Variants in CHSY3 observed in about 807,000 individuals in gnomAD.
CHSY3 encodes chondroitin sulfate synthase 3, also known as N-acetylgalactosaminyl-proteoglycan 3-beta-glucuronosyltransferase 3.
Under a neutral mutation model 67.2 loss-of-function variants are expected in CHSY3, and 35 were observed. The observed-to-expected ratio is 0.52, with a 90% CI of 0.40 to 0.69. CHSY3 has a LOEUF of 0.69. Ranked by LOEUF, CHSY3 falls within the 30% of genes least tolerant of loss-of-function variation. The pLI, the probability that CHSY3 is intolerant of heterozygous loss-of-function variation, is 0.00. For missense variants in CHSY3, 1,069 were observed against 1,138.5 expected (o/e 0.94, Z 0.88); for synonymous variants, 474 against 434.7 (o/e 1.09, Z -1.12).
At chr5:129,927,803 C>T (rs1455449893) in intron 2 of CHSY3, among the ~76,000 whole-genome samples, 3 of 151,810 alleles carry the variant, frequency 2.0e-5, no homozygotes, top group Non-Finnish European at 4.4e-5. Context: ...ATTACAGGAA[C>T]ATTTTTTTAA....
At chr5:130,141,297 T>C (rs1768858257) in intron 2 of CHSY3, 1 of 417,356 alleles carries the variant, frequency 2.4e-6, no homozygotes, top group Admixed American at 3.1e-5. Flanking sequence ...CAAGCAGACA[T>C]AGACCTCATT....
intron 2 of CHSY3, among the ~76,000 whole-genome samples, chr5:130,172,301 CTTTTTT>C (rs1341313357): frequency 1.8e-5 from 2 of 112,062 alleles, no homozygotes; most frequent in African/African-American, 6.6e-5. Context: ...TTATTTAACT[CTTTTTT>C]TTCTTTTCTT....
intron 2 of CHSY3, among the ~76,000 whole-genome samples, chr5:129,985,875 A>G (rs1763185434): frequency 6.6e-6 from 1 of 152,022 alleles, no homozygotes; most frequent in Non-Finnish European, 1.5e-5. Flanking sequence ...TTGATTTTGT[A>G]TCTTGAAACT....
chr5:129,990,535 G>A (rs1025233949), intron 2 of CHSY3, among the ~76,000 whole-genome samples: 2 of 152,114 alleles, frequency 1.3e-5, no homozygotes. Flanking sequence ...AGATGGATAA[G>A]TAATATATTA....
At chr5:130,172,188 A>T (rs1180451613) in intron 2 of CHSY3, among the ~76,000 whole-genome samples, 1 of 152,220 alleles carries the variant, frequency 6.6e-6, no homozygotes, top group East Asian at 1.9e-4. Flanking sequence ...GGAAGGAAAC[A>T]TTTATAACGA....
At chr5:130,031,039 A>G (rs1203699905) in intron 2 of CHSY3, among the ~76,000 whole-genome samples, 5 of 152,116 alleles carry the variant, frequency 3.3e-5, no homozygotes, top group African/African-American at 1.2e-4. Flanking sequence ...TATGGAGTAT[A>G]AGAAGCAGAT....
chr5:129,998,235 T>G (rs1434611451), intron 2 of CHSY3, among the ~76,000 whole-genome samples: 4 of 106,506 alleles, frequency 3.8e-5, no homozygotes, highest in Non-Finnish European at 9.0e-5. Context: ...AATTCTGTGC[T>G]CACTGTTAAT....
Position 130,184,375 on chromosome 5 carries a change from C to G in CHSY3, c.1233C>G (p.Ser411Arg). 6.2e-7 allele frequency: 1 copy of G among 1,614,076 alleles called. No individual in the cohort carries two copies. The highest frequency in any genetic ancestry group is 8.5e-7 in the Non-Finnish European group (1 of 1,179,934). The change falls in exon 3 of 3, where the codon AGC becomes AGG. Residue 411 changes from serine to arginine, a missense_variant. This residue lies in a region of CHSY3 where 401 missense variants were observed against 395.2 expected (regional missense o/e 1.01). Coordinates refer to ENST00000305031, the MANE Select transcript of CHSY3 (RefSeq NM_175856.5). Reference protein sequence around the residue: ...YQYRLHNYMLSRKISELRYRT... With the variant: ...YQYRLHNYMLRRKISELRYRT... The stretch of plus-strand genomic sequence containing the variant: ...ACAGGCTGCATAATTACATGCTCAG[C>G]CGCAAAATTTCTGAACTTCGCTACC...
At chr5:130,001,474 G>A in intron 2 of CHSY3, 1 of 941,618 alleles carries the variant, frequency 1.1e-6, no homozygotes, top group Non-Finnish European at 1.3e-6. Context: ...GCTCCTTTGT[G>A]CCTGTGGCAG....
intron 2 of CHSY3, among the ~76,000 whole-genome samples, chr5:130,048,178 CTAATCCTTATCAT>C (rs1361605729): frequency 2.0e-5 from 3 of 151,922 alleles, no homozygotes; most frequent in Non-Finnish European, 2.9e-5. Flanking sequence ...GATCTTAAGT[CTAATCCTTATCAT>C]TATCATTAGT....
chr5:130,018,621 A>G (rs750444979), intron 2 of CHSY3, among the ~76,000 whole-genome samples: 1 of 152,220 alleles, frequency 6.6e-6, no homozygotes, highest in African/African-American at 2.4e-5. Flanking sequence ...AAATGGTTTT[A>G]TATATCTTAA....
chr5:130,086,902 G>A (rs1226744767), intron 2 of CHSY3, among the ~76,000 whole-genome samples: 1 of 152,092 alleles, frequency 6.6e-6, no homozygotes, highest in African/African-American at 2.4e-5. Context: ...AAGCCTGGCA[G>A]AGACACAACA....
intron 2 of CHSY3, among the ~76,000 whole-genome samples, chr5:129,916,843 T>C (rs959842107): frequency 1.3e-5 from 2 of 152,160 alleles, no homozygotes; most frequent in Non-Finnish European, 2.9e-5. Flanking sequence ...AAATCTAATA[T>C]AGAGTTGGGT....
Position 130,118,338 on chromosome 5 carries a change from A to G in CHSY3, c.1087-65891A>G, listed in dbSNP as rs532402369. 1.5e-3 allele frequency among the ~76,000 whole-genome samples: 230 copies of G among 152,328 alleles called. 1 individual carries two copies. The highest frequency in any genetic ancestry group is 4.7e-3 in the African/African-American group (197 of 41,568). ...TGTTTTAAATGCAGATAAACTTAAC[A>G]AAACAATCAGAATTTACCCAGTTGT... On this transcript the variant is annotated intron_variant, in intron 2 of 2. Coordinates refer to ENST00000305031, the MANE Select transcript of CHSY3 (RefSeq NM_175856.5).
chr5:129,918,463 A>G (rs970683544), intron 2 of CHSY3, among the ~76,000 whole-genome samples: 6 of 152,192 alleles, frequency 3.9e-5, no homozygotes, highest in African/African-American at 1.4e-4. Flanking sequence ...TTTTGATTCT[A>G]TGCCATCACT....
rs529499537 is a variant in CHSY3 at position 129,904,783 on chromosome 5, G to C, written c.-47G>C. The C allele has an allele frequency of 3.9e-5, 51 of 1,311,776 alleles. No individual in the cohort carries two copies. The African/African-American group carries it at 7.4e-4, about 19-fold the overall frequency. 81.3% of individuals were successfully genotyped at this position (1,311,776 alleles called of 1,614,324 possible). On this transcript the variant is annotated 5_prime_UTR_variant, in exon 1 of 3. Coordinates refer to ENST00000305031, the MANE Select transcript of CHSY3 (RefSeq NM_175856.5). ...CGGGTGTGAGCCGGGGAAACCGCGT[G>C]CCGCGCCGCGACAGCCCAGCGAGCG...
Position 130,185,847 on chromosome 5 carries a change from G to A in CHSY3, c.*56G>A. 9.1e-7 allele frequency: 1 copy of A among 1,097,256 alleles called. No individual in the cohort carries two copies. The highest frequency in any genetic ancestry group is 1.3e-6 in the Non-Finnish European group (1 of 791,770). 68.0% of individuals were successfully genotyped at this position (1,097,256 alleles called of 1,614,324 possible). A position where few individuals can be genotyped will look rare whatever the true frequency, so the allele number is the denominator to read the frequency against. ...AGGGGAGTTTACCTCATTGTTGGTT[G>A]TTGTTATTTTTATTGTATTATTGTT... On this transcript the variant is annotated 3_prime_UTR_variant, in exon 3 of 3. Coordinates refer to ENST00000305031, the MANE Select transcript of CHSY3 (RefSeq NM_175856.5).
chr5:129,961,823 T>TA lies in CHSY3; in HGVS notation c.1086+53470dup, dbSNP rs1022292013. Among the ~76,000 whole-genome samples the TA allele has an allele frequency of 7.2e-5, 11 of 152,106 alleles. No homozygotes were observed. The South Asian group carries it at 8.3e-4, about 11-fold the overall frequency. Reference sequence around the variant, plus strand: ...TTTCCCTCTAGTCAATAAACTTTTTTAAAAAAACTTTCAATAACTATTTCA... The same window carrying TA: ...TTTCCCTCTAGTCAATAAACTTTTTTAAAAAAAACTTTCAATAACTATTTCA... On this transcript the variant is annotated intron_variant, in intron 2 of 2. Coordinates refer to ENST00000305031, the MANE Select transcript of CHSY3 (RefSeq NM_175856.5).
In CHSY3 at chr5:130,184,452, C is replaced by T. The variant is rs1770347414; in HGVS notation, c.1310C>T (p.Thr437Ile). 5 of 1,613,174 alleles carry T rather than the reference C, an allele frequency of 3.1e-6. No homozygotes were observed. The highest frequency in any genetic ancestry group is 4.2e-6 in the Non-Finnish European group (5 of 1,179,160). ...ESALMSKLSN[T>I]EVSKEDQQLG... is the part of the protein sequence containing the mutation. ...GCCCTGATGAGCAAGCTCAGTAACA[C>T]AGAAGTGAGCAAAGAGGACCAGCAG... The change falls in exon 3 of 3, where the codon ACA becomes ATA. Residue 437 changes from threonine to isoleucine, a missense_variant. This residue lies in a region of CHSY3 where 401 missense variants were observed against 395.2 expected (regional missense o/e 1.01). Coordinates refer to ENST00000305031, the MANE Select transcript of CHSY3 (RefSeq NM_175856.5).
Sources: allele counts gnomAD v4.1 joint callset (sites outside exome capture counted in the v4.1 genomes callset), GRCh38; gene constraint gnomAD v4.1.1; regional missense constraint gnomAD v4.1.1; transcripts MANE v1.5; gene names NCBI Gene and HGNC (gene_info 2026-07-23, HGNC 2026-07-21).